Variants in CFHR3 observed in about 807,000 individuals in gnomAD.
CFHR3 encodes the protein complement factor H related 3.
In CFHR3, 22 loss-of-function variants were observed where a neutral mutation model predicts 36.0. That is an observed-to-expected ratio of 0.61 (90% CI 0.44 to 0.87). CFHR3 has a LOEUF of 0.87. CFHR3 is among the 40% of genes least tolerant of loss of function. The pLI is 0.00. For synonymous variants in CFHR3, 97 were observed against 137.4 expected, an observed-to-expected ratio of 0.71 and a Z score of 2.06; for missense variants, 276 against 401.3, an observed-to-expected ratio of 0.69 and a Z score of 2.67.
At chr1:196,777,131 C>T (rs1410925452) in intron 1 of CFHR3, among the ~76,000 whole-genome samples, 2 of 135,552 alleles carry the variant, frequency 1.5e-5, no homozygotes, top group Non-Finnish European at 3.1e-5. Flanking sequence ...TTGGAAGCCA[C>T]GCTATTTGAA....
chr1:196,779,099 T>C (rs1038863764), intron 1 of CFHR3, 63 bp from the exon 2 acceptor site: 3 of 1,235,654 alleles, frequency 2.4e-6, no homozygotes, highest in Non-Finnish European at 3.4e-6. Flanking sequence ...TCAAAATTTA[T>C]CTCTAATATG....
intron 5 of CFHR3, among the ~76,000 whole-genome samples, chr1:196,790,736 AAT>A (rs1395440850): frequency 1.2e-5 from 1 of 86,470 alleles, no homozygotes; most frequent in African/African-American, 6.7e-5. Context: ...AAAATAAAAA[AAT>A]AATAAATAAA....
intron 3 of CFHR3, among the ~76,000 whole-genome samples, chr1:196,784,846 A>G (rs1654123933): frequency 7.4e-6 from 1 of 134,798 alleles, no homozygotes; most frequent in African/African-American, 3.2e-5. Context: ...TCCTGTCATT[A>G]TGATGTTAGC....
Position 196,795,294 on chromosome 1 carries a change from C to T in CFHR3, c.*1781C>T. The T allele has an allele frequency of 7.3e-6, 1 of 136,602 alleles. No homozygotes were observed. The highest frequency in any genetic ancestry group is 2.0e-4 in the East Asian group (1 of 5,116). 8.5% of individuals were successfully genotyped at this position (136,602 alleles called of 1,614,324 possible). A position where few individuals can be genotyped will look rare whatever the true frequency, so the allele number is the denominator to read the frequency against. Reference sequence around the variant, plus strand: ...AAGTTCCCCTGGACAAGTTCTCTTGCCTGCCACCATGTAAGATGTACCTTT... The same window carrying T: ...AAGTTCCCCTGGACAAGTTCTCTTGTCTGCCACCATGTAAGATGTACCTTT... On this transcript the variant is annotated 3_prime_UTR_variant, in exon 6 of 6. Transcript: ENST00000367425.
rs1156859095 is a variant in CFHR3, at chr1:196,779,811, C to T, written c.268C>T (p.Pro90Ser). ...TATGTCCTTAGGAAAATGTTATTTT[C>T]CTTATTTGGAAAATGGATATAATCA... ...AVPCLRKCYF[P>S]YLENGYNQNY... The change falls in exon 3 of 6, where the codon CCT becomes TCT. Residue 90 changes from proline to serine, a missense_variant. This residue lies in a region of CFHR3 where 178 missense variants were observed against 247.2 expected (regional missense o/e 0.72). Transcript: ENST00000367425. 32 of 1,523,134 alleles carry T rather than the reference C, an allele frequency of 2.1e-5. 6 individuals are homozygous for T. Among genetic ancestry groups the T allele is most frequent in the African/African-American group, 3.3e-5 (2 of 60,142 alleles). The allele number at this position is 1,523,134 out of a possible 1,614,324, so 94.4% of individuals were successfully genotyped here.
chr1:196,789,096 T>C, intron 4 of CFHR3: 3 of 1,081,316 alleles, frequency 2.8e-6, no homozygotes, highest in Non-Finnish European at 3.4e-6. Flanking sequence ...AGTTGATTTT[T>C]TTTCTTTCCT....
intron 5 of CFHR3, 69 bp from the exon 6 acceptor site, chr1:196,793,248 A>G: frequency 7.6e-7 from 1 of 1,308,030 alleles, no homozygotes; most frequent in East Asian, 2.5e-5. Context: ...TAAACTACTC[A>G]TTAGGATGCA....
intron 3 of CFHR3, 66 bp downstream of exon 3, chr1:196,780,039 A>C: frequency 6.6e-7 from 1 of 1,511,414 alleles, no homozygotes; most frequent in Non-Finnish European, 9.0e-7. Context: ...CGACAGTCTC[A>C]GACTTGTCTA....
chr1:196,789,474 T>G, intron 4 of CFHR3: 2 of 978,338 alleles, frequency 2.0e-6, no homozygotes, highest in Non-Finnish European at 2.5e-6. Context: ...AATGATCTAC[T>G]TTAAAACTTG....
Position 196,781,963 on chromosome 1 carries a change from T to A in CFHR3, c.430+1990T>A, listed in dbSNP as rs1407550782. On this transcript the variant is annotated intron_variant, in intron 3 of 5. Transcript: ENST00000367425. Reference sequence around the variant, plus strand: ...CTATCATTTAAGTCTTTAATCCATCTTGAATTAATTTTTGTATAAGGTGTA... The same window carrying A: ...CTATCATTTAAGTCTTTAATCCATCATGAATTAATTTTTGTATAAGGTGTA... Among the ~76,000 whole-genome samples, 5 of 137,366 alleles carry A rather than the reference T, an allele frequency of 3.6e-5. 1 individual carries two copies. Among genetic ancestry groups the A allele is most frequent in the Non-Finnish European group, 7.7e-5 (5 of 64,696 alleles). 90.1% of individuals were successfully genotyped at this position (137,366 alleles called of 152,430 possible).
rs1243296113 is a variant in CFHR3, at chr1:196,775,514, A to G, written c.58+570A>G. Reference sequence around the variant, plus strand: ...TACATATATAATGAAAAAATAGAATATAAACTTACATTGGAAAGATAGTAA... The same window carrying G: ...TACATATATAATGAAAAAATAGAATGTAAACTTACATTGGAAAGATAGTAA... On this transcript the variant is annotated intron_variant, in intron 1 of 5. Coordinates refer to ENST00000367425, the MANE Select transcript of CFHR3 (RefSeq NM_021023.6). 2.2e-5 allele frequency among the ~76,000 whole-genome samples: 3 copies of G among 137,570 alleles called. 1 individual carries two copies. The highest frequency in any genetic ancestry group is 9.0e-5 in the African/African-American group (3 of 33,200). 90.3% of individuals were successfully genotyped at this position (137,570 alleles called of 152,430 possible).
At chr1:196,784,995 C>G (rs796723697) in intron 3 of CFHR3, among the ~76,000 whole-genome samples, 8 of 134,310 alleles carry the variant, frequency 6.0e-5, no homozygotes, top group Non-Finnish European at 9.4e-5. Flanking sequence ...TTAGGGCAGG[C>G]CTGGTGGTGA....
Position 196,788,287 on chromosome 1 carries a change from A to G in CFHR3, c.502A>G (p.Asn168Asp). 1.4e-6 allele frequency: 2 copies of G among 1,446,878 alleles called. No individual in the cohort carries two copies. The highest frequency in any genetic ancestry group is 1.9e-6 in the Non-Finnish European group (2 of 1,076,428). 89.6% of individuals were successfully genotyped at this position (1,446,878 alleles called of 1,614,324 possible). Residue 168 changes from asparagine to aspartate, a missense_variant, in exon 4 of 6, where the codon AAT becomes GAT. Coordinates refer to ENST00000367425, the MANE Select transcript of CFHR3 (RefSeq NM_021023.6). ...ISESSSIYIL[N>D]KEIQYKCKPG... The stretch of plus-strand genomic sequence containing the variant: ...CGAATCTTCCTCTATTTATATTTTA[A>G]ATAAAGAAATACAATATAAATGTAA...
At chr1:196,780,090 A>G (rs528776328) in intron 3 of CFHR3, 117 bp downstream of exon 3, 2 of 1,322,214 alleles carry the variant, frequency 1.5e-6, no homozygotes, top group East Asian at 4.7e-5. Flanking sequence ...TTGTTTTGCC[A>G]ACGGACCTAT....
chr1:196,791,595 G>A (rs920171988), intron 5 of CFHR3, among the ~76,000 whole-genome samples: 3 of 126,816 alleles, frequency 2.4e-5, no homozygotes, highest in Non-Finnish European at 4.8e-5. Context: ...GACTGATGAC[G>A]CTGATATTTT....
At chr1:196,792,725 G>A (rs1453275352) in intron 5 of CFHR3, among the ~76,000 whole-genome samples, 3 of 135,214 alleles carry the variant, frequency 2.2e-5, no homozygotes, top group East Asian at 3.9e-4. Context: ...AAGATGACAG[G>A]GATAGATGAT....
chr1:196,795,176 C>T lies in CFHR3; in HGVS notation c.*1663C>T, dbSNP rs1227067971. On this transcript the variant is annotated 3_prime_UTR_variant, in exon 6 of 6. Coordinates refer to ENST00000367425, the MANE Select transcript of CFHR3 (RefSeq NM_021023.6). ...AATCACCATGCATCAAAGGTAGGGC[C>T]AGGTGGAGATAATGGAATCATGGGA... is the stretch of plus-strand genomic sequence containing the variant. 1.5e-5 allele frequency: 2 copies of T among 136,762 alleles called. No homozygotes were observed. Among genetic ancestry groups the T allele is most frequent in the African/African-American group, 3.1e-5 (1 of 32,750 alleles). The allele number at this position is 136,762 out of a possible 1,614,324, so 8.5% of individuals were successfully genotyped here.
chr1:196,787,062 G>A (rs1484710042), intron 3 of CFHR3, among the ~76,000 whole-genome samples: 1 of 137,280 alleles, frequency 7.3e-6, no homozygotes, highest in East Asian at 1.9e-4. Context: ...AAAATTGTTT[G>A]TGTGTATTGT....
chr1:196,783,745 A>T (rs1270392158), intron 3 of CFHR3, among the ~76,000 whole-genome samples: 1 of 135,956 alleles, frequency 7.4e-6, no homozygotes, highest in Non-Finnish European at 1.6e-5. Flanking sequence ...TGATCCTTTC[A>T]AAAAACCAGC....
Sources: allele counts gnomAD v4.1 joint callset (sites outside exome capture counted in the v4.1 genomes callset), GRCh38; gene constraint gnomAD v4.1.1; regional missense constraint gnomAD v4.1.1; transcripts MANE v1.5; gene names NCBI Gene and HGNC (gene_info 2026-07-23, HGNC 2026-07-21).